The following PCNX2 variants were observed in gnomAD, a reference collection of about 807,000 sequenced individuals.
The protein encoded by PCNX2 is pecanex 2.
In PCNX2, 168 loss-of-function variants were observed where a neutral mutation model predicts 223.8. The observed-to-expected ratio is 0.75, with a 90% confidence interval of 0.66 to 0.85. The LOEUF is 0.85. Among genes scored for constraint, PCNX2 ranks in the 40% least tolerant of loss-of-function variants. The pLI, the probability that PCNX2 is intolerant of heterozygous loss-of-function variation, is 0.00. For missense variants in PCNX2, 2,507 were observed against 2,675.5 expected (o/e 0.94, Z 1.39); for synonymous variants, 1,006 against 1,052.6 (o/e 0.96, Z 0.86).
At chr1:233,247,137 C>T (rs10910119) in intron 8 of PCNX2, among the ~76,000 whole-genome samples, 2,060 of 152,300 alleles carry the variant, frequency 0.014, 46 homozygotes, top group African/African-American at 0.046. Context: ...AGGACTGACT[C>T]GTTTTTCCTG....
chr1:233,095,738 A>G lies in PCNX2; in HGVS notation c.3946+17T>C, dbSNP rs1240193255. 6.4e-7 allele frequency: 1 copy of G among 1,559,786 alleles called. No homozygotes were observed. The highest frequency in any genetic ancestry group is 8.8e-7 in the Non-Finnish European group (1 of 1,138,960). On this transcript the variant is annotated intron_variant, in intron 22 of 33. Transcript: ENST00000258229. ...TGAATCTCAGCTGGAGGGTGAAAAT[A>G]GAAGCAGAAAGGATACGAGGAATGG...
chr1:233,295,664 G>A lies in PCNX2; in HGVS notation c.-186C>T. ...TGGAGCTGCTCTTCCGCCCGGACCC[G>A]CGAACCGCGGCGCCGGAGCCGGCTG... On this transcript the variant is annotated 5_prime_UTR_variant, in exon 1 of 34. Coordinates refer to ENST00000258229, the MANE Select transcript of PCNX2 (RefSeq NM_014801.4). This position sits in a 1 kb window ranked among gnomAD's most constrained non-coding sequence, Gnocchi z 4.1. 1.7e-6 allele frequency: 1 copy of A among 593,514 alleles called. No homozygotes were observed. Among genetic ancestry groups the A allele is most frequent in the Non-Finnish European group, 2.5e-6 (1 of 407,360 alleles). The allele number at this position is 593,514 out of a possible 1,614,324, so 36.8% of individuals were successfully genotyped here.
At position 233,200,951 on chromosome 1, in the gene PCNX2, G is replaced by A. The variant is rs1038793564; in HGVS notation, c.2864-687C>T. Among the ~76,000 whole-genome samples the A allele has an allele frequency of 3.3e-4, 50 of 149,384 alleles. 1 individual carries two copies. The highest frequency in any genetic ancestry group is 6.4e-4 in the South Asian group (3 of 4,666). ...TGAGGCAGGAGAATGGCGTGAACCCGGGAGGCGGAGCTTGCAGTGAGCCGA... is the reference window on the plus strand; with the variant it reads ...TGAGGCAGGAGAATGGCGTGAACCCAGGAGGCGGAGCTTGCAGTGAGCCGA... On this transcript the variant is annotated intron_variant, in intron 13 of 33. Transcript: ENST00000258229.
At chr1:233,194,919 A>G (rs559295079) in intron 15 of PCNX2, among the ~76,000 whole-genome samples, 11 of 151,126 alleles carry the variant, frequency 7.3e-5, no homozygotes, top group Non-Finnish European at 1.5e-4. Flanking sequence ...GGGGAGGCTG[A>G]GGCAGGAGAA....
chr1:233,074,247 G>A (rs927669735), intron 23 of PCNX2, among the ~76,000 whole-genome samples: 4 of 152,130 alleles, frequency 2.6e-5, no homozygotes, highest in Non-Finnish European at 4.4e-5. Flanking sequence ...AATAGTTTAT[G>A]TACGCTTGAA....
At chr1:233,156,653 C>T (rs999298077) in intron 19 of PCNX2, among the ~76,000 whole-genome samples, 4 of 152,120 alleles carry the variant, frequency 2.6e-5, no homozygotes, top group Non-Finnish European at 5.9e-5. Flanking sequence ...CACGGTGGCT[C>T]ATGCTTGTAA....
At chr1:233,004,531 C>T (rs1670210537) in intron 28 of PCNX2, among the ~76,000 whole-genome samples, 1 of 151,796 alleles carries the variant, frequency 6.6e-6, no homozygotes, top group Non-Finnish European at 1.5e-5. Flanking sequence ...ACCCTGGTCT[C>T]TCACATCCCC....
chr1:233,179,027 C>A, intron 16 of PCNX2, 39 bp downstream of exon 16: 1 of 1,570,914 alleles, frequency 6.4e-7, no homozygotes, highest in South Asian at 1.1e-5. Context: ...ACTATGCCCC[C>A]AGCTCAGTGA....
chr1:233,294,496 G>A (rs1446659837), intron 1 of PCNX2, among the ~76,000 whole-genome samples: 1 of 152,026 alleles, frequency 6.6e-6, no homozygotes, highest in Non-Finnish European at 1.5e-5. Flanking sequence ...ACTCATTGAC[G>A]ATTTTTGCTG....
chr1:233,046,510 A>G lies in PCNX2; in HGVS notation c.4351+7758T>C, dbSNP rs897890067. 4.6e-5 allele frequency among the ~76,000 whole-genome samples: 7 copies of G among 152,286 alleles called. No individual in the cohort carries two copies. In the East Asian group the frequency reaches 9.6e-4, roughly 21 times the overall value. On this transcript the variant is annotated intron_variant, in intron 25 of 33. Transcript: ENST00000258229. ...CTCTTTTAAAGTCCCTGTGTCCCCA[A>G]CTACAACTGAACTGGGTTTAAAAAA...
chr1:233,177,886 T>A lies in PCNX2; in HGVS notation c.3189A>T (p.Gln1063His), dbSNP rs778825121. 6.2e-7 allele frequency: 1 copy of A among 1,613,826 alleles called. No homozygotes were observed. The highest frequency in any genetic ancestry group is 1.7e-5 in the Admixed American group (1 of 60,026). ...SDPSVLMSFI[Q>H]CRLFPKFLHQ... Reference sequence around the variant, plus strand: ...GTAAAAATTTAGGAAACAGCCTGCATTGGATGAAGGACCTGAAAGTGGAAA... The same window carrying A: ...GTAAAAATTTAGGAAACAGCCTGCAATGGATGAAGGACCTGAAAGTGGAAA... The change falls in exon 17 of 34, where the codon CAA (glutamine) becomes CAT (histidine). Residue 1063 changes from glutamine (Q) to histidine (H), a missense_variant. Gln to His is a conservative substitution (Grantham distance 24). This residue lies in a region of PCNX2 where 1,372 missense variants were observed against 1,509.4 expected (regional missense o/e 0.91). Coordinates refer to ENST00000258229, the MANE Select transcript of PCNX2 (RefSeq NM_014801.4).
At chr1:233,072,017 C>G (rs572842627) in intron 23 of PCNX2, among the ~76,000 whole-genome samples, 16 of 152,158 alleles carry the variant, frequency 1.1e-4, no homozygotes, top group Non-Finnish European at 2.4e-4. Flanking sequence ...AAATTTGTTT[C>G]AGTTCCTTAT....
At chr1:233,299,835 C>T (rs574514946), upstream of PCNX2, among the ~76,000 whole-genome samples, 1 of 152,318 alleles carries the variant, frequency 6.6e-6, no homozygotes, top group Non-Finnish European at 1.5e-5. Flanking sequence ...ATACAGATCA[C>T]AGCATGTGAA....
At chr1:233,014,914 C>T (rs573174164) in intron 27 of PCNX2, 137 bp from the exon 28 acceptor site, 11 of 540,354 alleles carry the variant, frequency 2.0e-5, no homozygotes, top group African/African-American at 1.9e-4. Context: ...ACCCCACAGA[C>T]AGGGAATGCT....
intron 21 of PCNX2, among the ~76,000 whole-genome samples, chr1:233,131,649 C>T (rs1488090779): frequency 3.3e-5 from 5 of 152,126 alleles, no homozygotes; most frequent in Admixed American, 2.6e-4. Context: ...CCAGCATTAG[C>T]GGGAGGCAAG....
intron 1 of PCNX2, 152 bp from the exon 2 acceptor site, chr1:233,263,315 T>C (rs1660159207): frequency 3.3e-6 from 1 of 304,190 alleles, no homozygotes; most frequent in Non-Finnish European, 4.8e-6. Flanking sequence ...TTAAAATACT[T>C]GAGGAGAAAG....
rs993579591 is a variant in PCNX2, at chr1:233,093,074, C to T, written c.3946+2681G>A. ...TTGGCCTCCCAAAGTGCTGGGATTA[C>T]AGGCGTGAGCCACTGTGCCCAGCCA... On this transcript the variant is annotated intron_variant, in intron 22 of 33. Coordinates refer to ENST00000258229, the MANE Select transcript of PCNX2 (RefSeq NM_014801.4). 4.6e-5 allele frequency among the ~76,000 whole-genome samples: 7 copies of T among 152,350 alleles called. No individual in the cohort carries two copies. The East Asian group carries it at 5.8e-4, about 13-fold the overall frequency.
At chr1:233,145,023 G>A (rs1296866953) in intron 19 of PCNX2, among the ~76,000 whole-genome samples, 2 of 148,258 alleles carry the variant, frequency 1.3e-5, no homozygotes, top group Admixed American at 6.7e-5. Flanking sequence ...GAAGTGCAGT[G>A]GCTCAATCTC....
intron 25 of PCNX2, among the ~76,000 whole-genome samples, chr1:233,046,025 C>A (rs897959671): frequency 2.6e-5 from 4 of 152,212 alleles, no homozygotes; most frequent in African/African-American, 9.6e-5. Flanking sequence ...AGCTCACAAC[C>A]AAGAACTCTT....
Sources: gnomAD v4.1 joint callset for allele counts (sites outside exome capture counted in the v4.1 genomes callset) on GRCh38, gnomAD v4.1.1 for gene constraint, gnomAD v4.1.1 regional missense constraint, Gnocchi (gnomAD v3.1) non-coding constraint, MANE v1.5 for transcripts, NCBI Gene and HGNC (gene_info 2026-07-23, HGNC 2026-07-21) for gene names.